The following CELF2 variants were observed in gnomAD, a reference collection of about 807,000 sequenced individuals.
CELF2 encodes the protein CUGBP Elav-like family member 2, also known as CUG triplet repeat RNA-binding protein 2.
In CELF2, 8 loss-of-function variants were observed where a neutral mutation model predicts 62.6. That is an observed-to-expected ratio of 0.13 (90% CI 0.07 to 0.23). The LOEUF (loss-of-function observed/expected upper bound fraction) is 0.23, where lower values mean the gene tolerates loss of function less well. Ranked by LOEUF, CELF2 falls within the 10% of genes least tolerant of loss-of-function variation. CELF2 has a pLI of 1.00. For synonymous variants in CELF2, 258 were observed against 250.0 expected (o/e 1.03, Z -0.30); for missense variants, 333 against 671.0 (o/e 0.50, Z 5.56).
At chr10:11,068,574 T>G (rs2068786287) in intron 1 of CELF2, among the ~76,000 whole-genome samples, 1 of 152,128 alleles carries the variant, frequency 6.6e-6, no homozygotes, top group Admixed American at 6.5e-5. Context: ...TCTGTTTTTT[T>G]TTTTGAGACG....
At chr10:10,999,179 T>C (rs2054269018) in intron 2 of CELF2, among the ~76,000 whole-genome samples, 1 of 152,182 alleles carries the variant, frequency 6.6e-6, no homozygotes, top group South Asian at 2.1e-4. Flanking sequence ...TCACAAATTG[T>C]GCGATACAGC....
chr10:10,610,280 T>C, the CELF2 span, among the ~76,000 whole-genome samples: 1 of 152,214 alleles, frequency 6.6e-6, no homozygotes, highest in East Asian at 1.9e-4. Context: ...CCTTAAGATA[T>C]TCATGGTATG....
chr10:10,580,652 T>C, the CELF2 span, among the ~76,000 whole-genome samples: 2 of 152,192 alleles, frequency 1.3e-5, no homozygotes, highest in East Asian at 3.8e-4. Flanking sequence ...TCTTTAATTA[T>C]GATTTTAAGA....
intron 2 of CELF2, among the ~76,000 whole-genome samples, chr10:10,937,121 CTTTTT>C (rs373143426): frequency 3.3e-5 from 3 of 90,530 alleles, no homozygotes; most frequent in Non-Finnish European, 6.0e-5. Context: ...TTTTTCTTTT[CTTTTT>C]TTTTTTTTTT....
chr10:10,507,717 A>T, the CELF2 span, among the ~76,000 whole-genome samples: 1 of 144,586 alleles, frequency 6.9e-6, no homozygotes, highest in Non-Finnish European at 1.5e-5. Context: ...ATGGATGTGA[A>T]GTTCTTCTGA....
the CELF2 span, among the ~76,000 whole-genome samples, chr10:10,478,979 A>G: frequency 6.6e-6 from 1 of 152,298 alleles, no homozygotes; most frequent in Non-Finnish European, 1.5e-5. Context: ...TCATGCTTCA[A>G]TGTGCCCATC....
the CELF2 span, among the ~76,000 whole-genome samples, chr10:10,774,262 G>T: frequency 6.6e-6 from 1 of 152,300 alleles, no homozygotes; most frequent in African/African-American, 2.4e-5. Flanking sequence ...GGAAGCACAC[G>T]GTACACATAG....
chr10:11,064,493 A>C (rs2067569383), intron 1 of CELF2, among the ~76,000 whole-genome samples: 1 of 152,212 alleles, frequency 6.6e-6, no homozygotes, highest in Non-Finnish European at 1.5e-5. Flanking sequence ...GTTAAGGGAG[A>C]AAAAGTGTTT....
At chr10:10,551,339 T>G in the CELF2 span, among the ~76,000 whole-genome samples, 1 of 152,148 alleles carries the variant, frequency 6.6e-6, no homozygotes, top group South Asian at 2.1e-4. Flanking sequence ...TAACCAGGTG[T>G]ACCCCGGGGA....
In CELF2 at chr10:11,098,132, A is replaced by G. The variant is rs545706106; in HGVS notation, c.75-67354A>G. On this transcript the variant is annotated intron_variant, in intron 1 of 12. Coordinates refer to ENST00000633077, the MANE Select transcript of CELF2 (RefSeq NM_001326342.2). The surrounding 1 kb of genome is among the most constrained non-coding windows in gnomAD (Gnocchi z 4.0). ...GTCACGTGGCTAGTGAAGGTTGAGC[A>G]TGTTGTGTGTGTGAAGGATGAGGTG... is the stretch of plus-strand genomic sequence containing the variant. The G allele has an allele frequency of 6.6e-6, 1 of 152,634 alleles. No individual in the cohort carries two copies. The highest frequency in any genetic ancestry group is 1.9e-4 in the East Asian group (1 of 5,196). 9.5% of individuals were successfully genotyped at this position (152,634 alleles called of 1,614,324 possible).
At chr10:11,056,202 C>G (rs577483511) in intron 1 of CELF2, among the ~76,000 whole-genome samples, 1 of 152,270 alleles carries the variant, frequency 6.6e-6, no homozygotes, top group African/African-American at 2.4e-5. Flanking sequence ...AAAATGTATT[C>G]ATAATCATTC....
intron 1 of CELF2, among the ~76,000 whole-genome samples, chr10:11,126,003 A>G (rs1015393798): frequency 6.6e-6 from 1 of 152,176 alleles, no homozygotes; most frequent in Non-Finnish European, 1.5e-5. Context: ...TTGTCTTCCC[A>G]TCACTCAGAA....
At chr10:10,495,274 A>C in the CELF2 span, among the ~76,000 whole-genome samples, 1 of 152,138 alleles carries the variant, frequency 6.6e-6, no homozygotes, top group African/African-American at 2.4e-5. Flanking sequence ...GCGAGACTCT[A>C]TCTCAAAAAA....
At chr10:10,897,981 C>A (rs906460531) in intron 1 of CELF2, among the ~76,000 whole-genome samples, 3 of 152,174 alleles carry the variant, frequency 2.0e-5, no homozygotes, top group Non-Finnish European at 4.4e-5. Flanking sequence ...GAAACAGTGA[C>A]TGGTTCAGTC....
intron 1 of CELF2, among the ~76,000 whole-genome samples, chr10:11,094,176 C>G (rs748888821): frequency 6.6e-6 from 1 of 152,142 alleles, no homozygotes; most frequent in Admixed American, 6.5e-5. Flanking sequence ...AACTTGCTGG[C>G]GACCTAGCTG....
chr10:11,205,948 G>GT, intron 2 of CELF2, among the ~76,000 whole-genome samples: 1 of 152,300 alleles, frequency 6.6e-6, no homozygotes, highest in Admixed American at 6.5e-5. Flanking sequence ...TAGCCAAAGG[G>GT]TTTGCCTCTC....
At position 11,237,989 on chromosome 10, in the gene CELF2, G is replaced by A. The variant is rs1224362424; in HGVS notation, c.355-11164G>A. Among the ~76,000 whole-genome samples the A allele has an allele frequency of 5.9e-5, 9 of 152,182 alleles. No individual in the cohort carries two copies. The highest frequency in any genetic ancestry group is 8.8e-5 in the Non-Finnish European group (6 of 68,028). On this transcript the variant is annotated intron_variant, in intron 3 of 12. Coordinates refer to ENST00000633077, the MANE Select transcript of CELF2 (RefSeq NM_001326342.2). This position sits in a 1 kb window ranked among gnomAD's most constrained non-coding sequence, Gnocchi z 4.0. The stretch of plus-strand genomic sequence containing the variant: ...AGGTAATTAAACCACGCCTTTAGTC[G>A]CCTTTAATGGCCAGGTCAGGCATTA...
intron 1 of CELF2, among the ~76,000 whole-genome samples, chr10:11,058,461 GTTTTTTTTTTTT>G (rs67113152): frequency 8.6e-6 from 1 of 116,806 alleles, no homozygotes; most frequent in Non-Finnish European, 1.7e-5. Context: ...TTTTTTGTTG[GTTTTTTTTTTTT>G]TTTTTTTTTT....
chr10:11,138,042 A>G (rs928300948), intron 1 of CELF2, among the ~76,000 whole-genome samples: 2 of 152,240 alleles, frequency 1.3e-5, no homozygotes, highest in African/African-American at 4.8e-5. Context: ...TAGATGATAG[A>G]TGAATTTTGG....
Sources: gnomAD v4.1 joint callset for allele counts (sites outside exome capture counted in the v4.1 genomes callset) on GRCh38, gnomAD v4.1.1 for gene constraint, Gnocchi (gnomAD v3.1) non-coding constraint, MANE v1.5 for transcripts, NCBI Gene and HGNC (gene_info 2026-07-23, HGNC 2026-07-21) for gene names.